CFDP1: variants seen among roughly 807,000 people sequenced by gnomAD.
CFDP1 encodes chromatin remodeling protein CFDP1, also known as heterochromatin-stabilizing protein CFDP1.
In CFDP1, 31 loss-of-function variants were observed where a neutral mutation model predicts 40.1. The observed-to-expected ratio is 0.77, with a 90% CI of 0.58 to 1.04. The LOEUF (loss-of-function observed/expected upper bound fraction) is 1.04. Among genes scored for constraint, CFDP1 ranks in the 50% least tolerant of loss-of-function variants. The pLI, the probability that CFDP1 is intolerant of heterozygous loss-of-function variation, is 0.00. For synonymous variants in CFDP1, 167 were observed against 120.0 expected (o/e 1.39, Z -2.56); for missense variants, 423 against 343.4 (o/e 1.23, Z -1.83).
chr16:75,302,017 T>C (rs926960581), intron 6 of CFDP1: 1 of 152,258 alleles, frequency 6.6e-6, no homozygotes, highest in Non-Finnish European at 1.5e-5. Context: ...ACTGGAAACA[T>C]GCAGTCACAT....
At chr16:75,334,631 A>G (rs1445703930) in intron 5 of CFDP1, among the ~76,000 whole-genome samples, 1 of 152,096 alleles carries the variant, frequency 6.6e-6, no homozygotes, top group East Asian at 1.9e-4. Context: ...GCTTACGAAG[A>G]AACCAAAGCA....
chr16:75,365,288 C>A (rs988796630), intron 5 of CFDP1, among the ~76,000 whole-genome samples: 1 of 152,164 alleles, frequency 6.6e-6, no homozygotes, highest in Non-Finnish European at 1.5e-5. Flanking sequence ...TTGGGACTAA[C>A]CCTCCCTCAG....
rs555141909 is a variant in CFDP1 at position 75,383,371 on chromosome 16, C to T, written c.650+11719G>A. The stretch of plus-strand genomic sequence containing the variant: ...CCCTTCAGGAAATAGCAGCAAGTTG[C>T]CTTTTTAAGAACTTTAATCAGAACA... On this transcript the variant is annotated intron_variant, in intron 5 of 6. Coordinates refer to ENST00000283882, the MANE Select transcript of CFDP1 (RefSeq NM_006324.3). Among the ~76,000 whole-genome samples, 57 of 152,310 alleles carry T rather than the reference C, an allele frequency of 3.7e-4. No homozygotes were observed. The South Asian group carries it at 0.012, about 32-fold the overall frequency.
At chr16:75,352,730 T>C (rs2078621600) in intron 5 of CFDP1, among the ~76,000 whole-genome samples, 1 of 152,150 alleles carries the variant, frequency 6.6e-6, no homozygotes, top group African/African-American at 2.4e-5. Context: ...CCCATTCTGG[T>C]TTTCACTTCC....
At chr16:75,400,742 C>T (rs965273208) in intron 4 of CFDP1, among the ~76,000 whole-genome samples, 10 of 152,206 alleles carry the variant, frequency 6.6e-5, no homozygotes, top group Non-Finnish European at 1.3e-4. Context: ...GTGTTCTGTA[C>T]AACTGAGTTA....
intron 5 of CFDP1, among the ~76,000 whole-genome samples, chr16:75,358,586 T>C (rs1597352772): frequency 6.6e-6 from 1 of 152,126 alleles, no homozygotes; most frequent in East Asian, 1.9e-4. Flanking sequence ...AGGAAGAGCA[T>C]TTGTACAACC....
In CFDP1 at chr16:75,348,712, A is replaced by G. The variant is rs184703243; in HGVS notation, c.651-43530T>C. ...AAGTGAATCATGTCTGTGTTGCCAT[A>G]TTATCTTTCAATCCATGAACATTAA... On this transcript the variant is annotated intron_variant, in intron 5 of 6. Coordinates refer to ENST00000283882, the MANE Select transcript of CFDP1 (RefSeq NM_006324.3). 2.2e-3 allele frequency among the ~76,000 whole-genome samples: 328 copies of G among 152,276 alleles called. 1 individual carries two copies. Among genetic ancestry groups the G allele is most frequent in the Admixed American group, 3.8e-3 (58 of 15,296 alleles).
chr16:75,424,183 G>C (rs960830557), intron 1 of CFDP1, among the ~76,000 whole-genome samples: 1 of 152,142 alleles, frequency 6.6e-6, no homozygotes, highest in African/African-American at 2.4e-5. Flanking sequence ...ATCTCTGAGG[G>C]ACAATATATG....
chr16:75,317,203 G>A (rs1316016990), intron 5 of CFDP1, among the ~76,000 whole-genome samples: 5 of 152,136 alleles, frequency 3.3e-5, no homozygotes, highest in African/African-American at 4.8e-5. Flanking sequence ...TAAATGACAC[G>A]AAGTCAGCAG....
chr16:75,306,902 C>CACACACACACACACAT (rs1555552534), intron 5 of CFDP1, among the ~76,000 whole-genome samples: 4 of 149,500 alleles, frequency 2.7e-5, no homozygotes, highest in Admixed American at 6.6e-5. Flanking sequence ...CACACACACA[C>CACACACACACACACAT]GCACACACAC....
At chr16:75,302,140 T>G (rs2151499000) in intron 6 of CFDP1, among the ~76,000 whole-genome samples, 1 of 152,376 alleles carries the variant, frequency 6.6e-6, no homozygotes, top group East Asian at 1.9e-4. Flanking sequence ...TTATGTGACT[T>G]TCCACTGCCT....
chr16:75,412,837 T>C, intron 2 of CFDP1, 83 bp from the exon 3 acceptor site: 2 of 1,099,826 alleles, frequency 1.8e-6, no homozygotes, highest in Non-Finnish European at 2.7e-6. Context: ...AAGGTAATCT[T>C]ATAAACCCAA....
chr16:75,413,837 T>C lies in CFDP1; in HGVS notation c.182+741A>G, dbSNP rs567883599. ...GGAAAAGAAGCCCATACCAGGCCTA[T>C]GCCAGGCAATGGGCTAATATCTGTA... On this transcript the variant is annotated intron_variant, in intron 2 of 6. Transcript: ENST00000283882. Among the ~76,000 whole-genome samples, 285 of 152,318 alleles carry C rather than the reference T, an allele frequency of 1.9e-3. 4 individuals carry two copies. The highest frequency in any genetic ancestry group is 1.2e-3 in the Non-Finnish European group (84 of 68,028).
At chr16:75,345,809 T>C (rs2078559141) in intron 5 of CFDP1, among the ~76,000 whole-genome samples, 1 of 152,196 alleles carries the variant, frequency 6.6e-6, no homozygotes, top group Non-Finnish European at 1.5e-5. Flanking sequence ...AACTTTAAAA[T>C]CTTGAAAAAT....
At chr16:75,312,089 G>A (rs11859684) in intron 5 of CFDP1, among the ~76,000 whole-genome samples, 3,397 of 152,126 alleles carry the variant, frequency 0.022, 70 homozygotes, top group African/African-American at 0.054. Flanking sequence ...GCTAAAATCC[G>A]TAAGGCTAAA....
chr16:75,414,775 T>G, intron 1 of CFDP1, 80 bp from the exon 2 acceptor site: 1 of 860,640 alleles, frequency 1.2e-6, no homozygotes, highest in Non-Finnish European at 1.9e-6. Context: ...ATACAAGCTT[T>G]CACACCGAGA....
chr16:75,429,254 G>GT (rs758003933), intron 1 of CFDP1, among the ~76,000 whole-genome samples: 1 of 152,186 alleles, frequency 6.6e-6, no homozygotes, highest in Non-Finnish European at 1.5e-5. Context: ...AAGTAATGAA[G>GT]TAACACTTTA....
chr16:75,361,691 TAAAA>T (rs1181954837), intron 5 of CFDP1, among the ~76,000 whole-genome samples: 20 of 152,036 alleles, frequency 1.3e-4, no homozygotes, highest in African/African-American at 4.8e-4. Flanking sequence ...CTCAAAGAAT[TAAAA>T]AAAGTTTTTT....
At chr16:75,372,998 C>T (rs527448238) in intron 5 of CFDP1, among the ~76,000 whole-genome samples, 19 of 152,220 alleles carry the variant, frequency 1.2e-4, no homozygotes, top group Admixed American at 7.2e-4. Flanking sequence ...AGGAGTTCCC[C>T]GGCATGGAAG....
Sources: allele counts gnomAD v4.1 joint callset (sites outside exome capture counted in the v4.1 genomes callset), GRCh38; gene constraint gnomAD v4.1.1; transcripts MANE v1.5; gene names NCBI Gene and HGNC (gene_info 2026-07-23, HGNC 2026-07-21).